The following HCRTR2 variants were observed in gnomAD, a reference collection of about 807,000 sequenced individuals.
HCRTR2 encodes the protein hypocretin receptor 2.
A neutral mutation model predicts 49.0 loss-of-function variants in HCRTR2; 22 were observed. The ratio of observed to expected loss-of-function variants is 0.45; its 90% CI spans 0.32 to 0.64. The LOEUF (loss-of-function observed/expected upper bound fraction) is 0.64. Among genes scored for constraint, HCRTR2 ranks in the 30% least tolerant of loss-of-function variants. The pLI is 0.04. For missense variants in HCRTR2, 491 were observed against 559.4 expected, an observed-to-expected ratio of 0.88 and a Z score of 1.23; for synonymous variants, 236 against 205.3, an observed-to-expected ratio of 1.15 and a Z score of -1.28.
chr6:55,222,364 T>C (rs1374511166), intron 1 of HCRTR2, among the ~76,000 whole-genome samples: 1 of 150,352 alleles, frequency 6.7e-6, no homozygotes, highest in Non-Finnish European at 1.5e-5. Flanking sequence ...ACAGCCACTG[T>C]GAAAAAATGT....
chr6:55,283,722 G>A (rs1387863124), downstream of HCRTR2, among the ~76,000 whole-genome samples: 2 of 152,126 alleles, frequency 1.3e-5, no homozygotes, highest in African/African-American at 2.4e-5. Flanking sequence ...GGTAACAGGT[G>A]TTCTGATTGT....
chr6:55,169,026 G>T (rs984015662), intron 1 of HCRTR2, among the ~76,000 whole-genome samples: 6 of 151,390 alleles, frequency 4.0e-5, no homozygotes, highest in African/African-American at 1.2e-4. Context: ...TTTCCATATG[G>T]TTTCATTGAC....
At chr6:55,215,752 A>G (rs558108591) in intron 1 of HCRTR2, among the ~76,000 whole-genome samples, 2 of 152,376 alleles carry the variant, frequency 1.3e-5, no homozygotes, top group African/African-American at 4.8e-5. Context: ...CTTAAAATAG[A>G]TTGTTATAAT....
intron 3 of HCRTR2, among the ~76,000 whole-genome samples, chr6:55,260,267 T>C (rs572920785): frequency 1.1e-3 from 170 of 152,300 alleles, no homozygotes; most frequent in African/African-American, 3.9e-3. Context: ...CAAAGTTATA[T>C]AGATTTTGTC....
At chr6:55,196,038 T>G (rs1765403668) in intron 1 of HCRTR2, among the ~76,000 whole-genome samples, 1 of 152,170 alleles carries the variant, frequency 6.6e-6, no homozygotes, top group African/African-American at 2.4e-5. Context: ...AATAAATTAT[T>G]TTTAAAATAA....
chr6:55,235,762 T>C (rs1193954849), intron 1 of HCRTR2, among the ~76,000 whole-genome samples: 1 of 152,102 alleles, frequency 6.6e-6, no homozygotes, highest in Non-Finnish European at 1.5e-5. Context: ...ATGGCACTTT[T>C]GTCATATGTC....
At chr6:55,129,853 A>G (rs1021257191) in intron 1 of HCRTR2, among the ~76,000 whole-genome samples, 10 of 152,014 alleles carry the variant, frequency 6.6e-5, no homozygotes, top group African/African-American at 2.4e-4. Context: ...TCAAATTTCT[A>G]TAGAAGTTGC....
rs141510365 is a variant in HCRTR2, at chr6:55,253,778, C to T, written c.403-1358C>T. On this transcript the variant is annotated intron_variant, in intron 2 of 6. Coordinates refer to ENST00000370862, the MANE Select transcript of HCRTR2 (RefSeq NM_001384272.1). ...TATCCTTAGCAAACAAATGCAGGAA[C>T]AGAAAAGCAAATACTACATGTTCTC... is the stretch of plus-strand genomic sequence containing the variant. Among the ~76,000 whole-genome samples the T allele has an allele frequency of 3.8e-3, 578 of 152,122 alleles. 3 individuals are homozygous for T. Among genetic ancestry groups the T allele is most frequent in the African/African-American group, 0.013 (533 of 41,502 alleles).
chr6:55,273,658 T>G (rs2127328487), intron 4 of HCRTR2, among the ~76,000 whole-genome samples: 1 of 152,216 alleles, frequency 6.6e-6, no homozygotes, highest in South Asian at 2.1e-4. Flanking sequence ...TTTATTGATC[T>G]TTTGGCAGCA....
At chr6:55,269,981 C>T (rs531574327) in intron 4 of HCRTR2, among the ~76,000 whole-genome samples, 3 of 152,182 alleles carry the variant, frequency 2.0e-5, no homozygotes, top group Admixed American at 6.6e-5. Context: ...AAAAATTCTT[C>T]AGCATAAACA....
chr6:55,277,502 G>A lies in HCRTR2; in HGVS notation c.885G>A (p.Gln295=), dbSNP rs200307310. The A allele has an allele frequency of 2.7e-5, 44 of 1,613,954 alleles. No individual in the cohort carries two copies. The highest frequency in any genetic ancestry group is 3.6e-5 in the Non-Finnish European group (43 of 1,180,004). The change falls in exon 5 of 7, where the codon CAG becomes CAA. Residue 295 remains glutamine, a synonymous_variant. Coordinates refer to ENST00000370862, the MANE Select transcript of HCRTR2 (RefSeq NM_001384272.1). ...RMSAVAAEIK[Q]IRARRKTARM... ...GCGCTGTGGCGGCTGAAATAAAGCA[G>A]ATCCGAGCCAGAAGGAAAACAGCCC...
intron 1 of HCRTR2, among the ~76,000 whole-genome samples, chr6:55,108,480 C>A (rs1167563507): frequency 6.6e-6 from 1 of 151,908 alleles, no homozygotes; most frequent in East Asian, 1.9e-4. Context: ...ATCCTCACCC[C>A]AATTCATTTC....
chr6:55,214,901 A>T (rs932061807), intron 1 of HCRTR2, among the ~76,000 whole-genome samples: 11 of 152,024 alleles, frequency 7.2e-5, no homozygotes, highest in African/African-American at 2.7e-4. Flanking sequence ...TCAGTCAGAG[A>T]AACAAAAAGA....
At chr6:55,124,854 A>G (rs1581784416) in intron 1 of HCRTR2, among the ~76,000 whole-genome samples, 1 of 150,722 alleles carries the variant, frequency 6.6e-6, no homozygotes, top group Non-Finnish European at 1.5e-5. Context: ...CTTTAGCATT[A>G]TGTAATGCCC....
chr6:55,189,187 T>C (rs1359586092), intron 1 of HCRTR2, among the ~76,000 whole-genome samples: 1 of 152,186 alleles, frequency 6.6e-6, no homozygotes, highest in African/African-American at 2.4e-5. Context: ...GGATTAAACA[T>C]GTTTTGCAAT....
At chr6:55,138,161 TA>T (rs112605089) in intron 1 of HCRTR2, among the ~76,000 whole-genome samples, 23 of 152,026 alleles carry the variant, frequency 1.5e-4, no homozygotes, top group East Asian at 3.9e-4. Context: ...AAAAATAAAT[TA>T]AAAAAAAGAA....
At chr6:55,132,668 A>G (rs748943396) in intron 1 of HCRTR2, among the ~76,000 whole-genome samples, 15 of 151,862 alleles carry the variant, frequency 9.9e-5, no homozygotes, top group Non-Finnish European at 2.1e-4. Context: ...TAAGGGAAAG[A>G]AGACATGGTT....
At chr6:55,224,899 T>A (rs746523863) in intron 1 of HCRTR2, among the ~76,000 whole-genome samples, 1 of 152,058 alleles carries the variant, frequency 6.6e-6, no homozygotes, top group Non-Finnish European at 1.5e-5. Context: ...AATAAAAAAT[T>A]TCAGTTAAAG....
intron 1 of HCRTR2, among the ~76,000 whole-genome samples, chr6:55,120,748 T>C (rs1764186627): frequency 6.6e-6 from 1 of 152,058 alleles, no homozygotes; most frequent in South Asian, 2.1e-4. Context: ...ATTTATTGCT[T>C]TCTCTTGTCT....
Sources: allele counts gnomAD v4.1 joint callset (sites outside exome capture counted in the v4.1 genomes callset), GRCh38; gene constraint gnomAD v4.1.1; transcripts MANE v1.5; gene names NCBI Gene and HGNC (gene_info 2026-07-23, HGNC 2026-07-21).